Variants in MMP16 observed in about 807,000 individuals in gnomAD.
MMP16 encodes the protein matrix metalloproteinase-16.
MMP16 carries 12 observed loss-of-function variants against 67.8 expected under a neutral mutation model. The ratio of observed to expected loss-of-function variants is 0.18; its 90% CI spans 0.11 to 0.29. The LOEUF (loss-of-function observed/expected upper bound fraction) is 0.29. Ranked by LOEUF, MMP16 falls within the 10% of genes least tolerant of loss-of-function variation. MMP16 has a pLI of 1.00. For missense variants in MMP16, 475 were observed against 765.7 expected (o/e 0.62, Z 4.48); for synonymous variants, 249 against 255.9 (o/e 0.97, Z 0.26).
At chr8:88,318,941 G>A (rs538573505) in intron 1 of MMP16, among the ~76,000 whole-genome samples, 4 of 152,208 alleles carry the variant, frequency 2.6e-5, no homozygotes, top group South Asian at 4.1e-4. Flanking sequence ...AGTCATCAGC[G>A]GGAATTCAGG....
intron 4 of MMP16, among the ~76,000 whole-genome samples, chr8:88,148,666 A>T (rs1808337483): frequency 6.6e-6 from 1 of 152,228 alleles, no homozygotes; most frequent in Non-Finnish European, 1.5e-5. Context: ...ATTTGGAGAT[A>T]TCCTTACTGA....
At chr8:88,117,554 C>T (rs1309054670) in intron 5 of MMP16, among the ~76,000 whole-genome samples, 1 of 151,948 alleles carries the variant, frequency 6.6e-6, no homozygotes. Context: ...TTCAGTGAAC[C>T]ACTTAAGAAG....
chr8:88,201,850 CT>C (rs950637153), intron 1 of MMP16, among the ~76,000 whole-genome samples: 6 of 152,016 alleles, frequency 3.9e-5, no homozygotes, highest in African/African-American at 1.4e-4. Flanking sequence ...AGCTTAAGGA[CT>C]TTTTTTCCAG....
At chr8:88,135,694 A>C (rs1414891450) in intron 4 of MMP16, among the ~76,000 whole-genome samples, 2 of 151,954 alleles carry the variant, frequency 1.3e-5, no homozygotes, top group African/African-American at 4.8e-5. Context: ...ATAACGGACA[A>C]ATTAACAAAC....
chr8:88,268,746 G>A (rs1349134837), intron 1 of MMP16, among the ~76,000 whole-genome samples: 3 of 152,080 alleles, frequency 2.0e-5, no homozygotes, highest in East Asian at 1.9e-4. Flanking sequence ...ACATCTATAC[G>A]GATGCACTGT....
chr8:88,286,072 A>G lies in MMP16; in HGVS notation c.132+41003T>C, dbSNP rs1234596138. Among the ~76,000 whole-genome samples, 3 of 152,172 alleles carry G rather than the reference A, an allele frequency of 2.0e-5. No individual in the cohort carries two copies. In the East Asian group the frequency reaches 5.8e-4, roughly 29 times the overall value. ...CAGTAACAGGTCTCCATAGGGATGC[A>G]TTCAAGGAGCTCTTTTTAGTTCTCA... On this transcript the variant is annotated intron_variant, in intron 1 of 9. Transcript: ENST00000286614.
intron 7 of MMP16, 58 bp from the exon 8 acceptor site, chr8:88,056,336 A>C (rs1808332291): frequency 1.2e-6 from 1 of 845,106 alleles, no homozygotes; most frequent in Non-Finnish European, 1.6e-6. Flanking sequence ...ATTAGAATAT[A>C]TCTATTAACA....
At chr8:88,307,448 G>C (rs1293144624) in intron 1 of MMP16, among the ~76,000 whole-genome samples, 1 of 152,014 alleles carries the variant, frequency 6.6e-6, no homozygotes, top group Non-Finnish European at 1.5e-5. Flanking sequence ...GACGGAAATA[G>C]AGAATGTTAA....
At chr8:88,076,616 G>A (rs966257299) in intron 6 of MMP16, among the ~76,000 whole-genome samples, 14 of 152,170 alleles carry the variant, frequency 9.2e-5, no homozygotes, top group African/African-American at 3.1e-4. Context: ...ATATACAGGG[G>A]CATGAAAATC....
intron 1 of MMP16, among the ~76,000 whole-genome samples, chr8:88,215,212 C>G (rs982279421): frequency 6.6e-6 from 1 of 151,928 alleles, no homozygotes; most frequent in African/African-American, 2.4e-5. Flanking sequence ...CACCTGTAAT[C>G]CCAGCTACTC....
chr8:88,200,503 CA>C (rs1343285432), intron 1 of MMP16, among the ~76,000 whole-genome samples: 1 of 151,948 alleles, frequency 6.6e-6, no homozygotes, highest in African/African-American at 2.4e-5. Flanking sequence ...ACCTGGTAGA[CA>C]AAACCAATTT....
chr8:88,269,072 C>T (rs1810524471), intron 1 of MMP16, among the ~76,000 whole-genome samples: 1 of 152,182 alleles, frequency 6.6e-6, no homozygotes, highest in African/African-American at 2.4e-5. Flanking sequence ...GAAGCCACTG[C>T]ACTTCCTAAT....
At chr8:88,045,097 A>G (rs779641837) in intron 9 of MMP16, among the ~76,000 whole-genome samples, 7 of 152,146 alleles carry the variant, frequency 4.6e-5, no homozygotes, top group Non-Finnish European at 1.0e-4. Flanking sequence ...TTCTGAGCCA[A>G]TTGAATACAC....
intron 1 of MMP16, among the ~76,000 whole-genome samples, chr8:88,267,178 A>G (rs57187913): frequency 0.049 from 7,510 of 152,304 alleles, 214 homozygotes; most frequent in South Asian, 0.063. Context: ...CATATAGTAT[A>G]TATGAATCAC....
chr8:88,306,745 ACT>A (rs1189995440), intron 1 of MMP16, among the ~76,000 whole-genome samples: 2 of 152,036 alleles, frequency 1.3e-5, no homozygotes, highest in Non-Finnish European at 2.9e-5. Context: ...CATGTTAAAA[ACT>A]CTCAATGAAC....
At chr8:88,155,129 G>C (rs964084149) in intron 4 of MMP16, among the ~76,000 whole-genome samples, 1 of 152,016 alleles carries the variant, frequency 6.6e-6, no homozygotes, top group Non-Finnish European at 1.5e-5. Flanking sequence ...TGAATGTTTG[G>C]TCCAAATTTT....
At chr8:88,118,948 C>T in intron 4 of MMP16, 87 bp from the exon 5 acceptor site, 1 of 1,301,118 alleles carries the variant, frequency 7.7e-7, no homozygotes, top group Non-Finnish European at 1.1e-6. Context: ...CAACATTTTA[C>T]CCAAGAAAAA....
chr8:88,263,895 A>G (rs944333258), intron 1 of MMP16, among the ~76,000 whole-genome samples: 2 of 151,976 alleles, frequency 1.3e-5, no homozygotes, highest in Admixed American at 1.3e-4. Flanking sequence ...AATCCTCCAC[A>G]AAATGTGTAG....
chr8:88,301,430 C>A (rs954164460), intron 1 of MMP16, among the ~76,000 whole-genome samples: 3 of 152,102 alleles, frequency 2.0e-5, no homozygotes, highest in Non-Finnish European at 4.4e-5. Flanking sequence ...CTTTTAATAT[C>A]TCTGTGACTT....
Sources: gnomAD v4.1 joint callset for allele counts (sites outside exome capture counted in the v4.1 genomes callset) on GRCh38, gnomAD v4.1.1 for gene constraint, MANE v1.5 for transcripts, NCBI Gene and HGNC (gene_info 2026-07-23, HGNC 2026-07-21) for gene names.